The following SESTD1 variants were observed in gnomAD, a reference collection of about 807,000 sequenced individuals.
The protein encoded by SESTD1 is SEC14 domain and spectrin repeat-containing protein 1.
A neutral mutation model predicts 101.7 loss-of-function variants in SESTD1; 43 were observed. The ratio of observed to expected loss-of-function variants is 0.42; its 90% CI spans 0.33 to 0.55. SESTD1 has a LOEUF of 0.55. Among genes scored for constraint, SESTD1 ranks in the 20% least tolerant of loss-of-function variants. The pLI is 0.07. For missense variants in SESTD1, 647 were observed against 815.1 expected, an observed-to-expected ratio of 0.79 and a Z score of 2.51; for synonymous variants, 283 against 286.8, an observed-to-expected ratio of 0.99 and a Z score of 0.13.
At chr2:179,260,086 T>G (rs1008265651) in intron 1 of SESTD1, among the ~76,000 whole-genome samples, 4 of 152,372 alleles carry the variant, frequency 2.6e-5, no homozygotes, top group African/African-American at 9.6e-5. Flanking sequence ...ATAATAACTG[T>G]AGTAACAAAT....
intron 4 of SESTD1, among the ~76,000 whole-genome samples, chr2:179,176,024 G>A (rs1389143778): frequency 2.0e-5 from 3 of 152,144 alleles, no homozygotes; most frequent in African/African-American, 4.8e-5. Flanking sequence ...AGACATGCCA[G>A]AATCACCTGA....
Position 179,217,292 on chromosome 2 carries a change from A to G in SESTD1, c.-25-25426T>C, listed in dbSNP as rs189505614. 4.3e-3 allele frequency among the ~76,000 whole-genome samples: 654 copies of G among 152,252 alleles called. 4 individuals carry two copies. Among genetic ancestry groups the G allele is most frequent in the African/African-American group, 0.015 (607 of 41,548 alleles). On this transcript the variant is annotated intron_variant, in intron 1 of 17. Transcript: ENST00000428443. ...GAACTTAAACAAATTTACAAGAAAA[A>G]AACAACCCCATCAAAAAGTGGGCAA... is the stretch of plus-strand genomic sequence containing the variant.
At chr2:179,139,889 G>A (rs765661738) in intron 9 of SESTD1, among the ~76,000 whole-genome samples, 8 of 152,086 alleles carry the variant, frequency 5.3e-5, no homozygotes, top group East Asian at 3.9e-4. Context: ...TTCCTTGCTC[G>A]GTGCCCTGCA....
At chr2:179,222,105 CTT>C (rs2046824390) in intron 1 of SESTD1, among the ~76,000 whole-genome samples, 1 of 152,138 alleles carries the variant, frequency 6.6e-6, no homozygotes, top group African/African-American at 2.4e-5. Context: ...GTGACCACCT[CTT>C]TTCTCTCTCA....
At chr2:179,198,370 C>A (rs2046439996) in intron 1 of SESTD1, among the ~76,000 whole-genome samples, 1 of 152,106 alleles carries the variant, frequency 6.6e-6, no homozygotes, top group Non-Finnish European at 1.5e-5. Flanking sequence ...ACTTTAACAC[C>A]CCACTGTCAA....
intron 1 of SESTD1, among the ~76,000 whole-genome samples, chr2:179,195,496 G>A (rs1430211152): frequency 6.6e-6 from 1 of 152,172 alleles, no homozygotes; most frequent in Non-Finnish European, 1.5e-5. Context: ...CTTTATAGCA[G>A]TGTGAAAACA....
intron 1 of SESTD1, among the ~76,000 whole-genome samples, chr2:179,202,687 A>G (rs1487024420): frequency 7.4e-6 from 1 of 135,196 alleles, no homozygotes; most frequent in Non-Finnish European, 1.6e-5. Context: ...GCTTTAAAAA[A>G]CAAAACTTTA....
chr2:179,187,296 C>T (rs62177287), intron 2 of SESTD1, among the ~76,000 whole-genome samples: 8,412 of 152,146 alleles, frequency 0.055, 319 homozygotes, highest in South Asian at 0.14. Context: ...GTCTAACACC[C>T]CACTTAAAAG....
chr2:179,197,293 G>A (rs2046415986), intron 1 of SESTD1, among the ~76,000 whole-genome samples: 1 of 152,060 alleles, frequency 6.6e-6, no homozygotes, highest in African/African-American at 2.4e-5. Context: ...AAGCCTCCAA[G>A]AAATATGGGA....
chr2:179,174,484 T>C (rs1231681239), intron 4 of SESTD1: 2 of 463,254 alleles, frequency 4.3e-6, no homozygotes, highest in Non-Finnish European at 8.9e-6. Context: ...AATGACAGGA[T>C]GAAAGGAAGA....
At chr2:179,185,693 T>C (rs1172812734) in intron 2 of SESTD1, among the ~76,000 whole-genome samples, 6 of 125,732 alleles carry the variant, frequency 4.8e-5, no homozygotes, top group African/African-American at 2.0e-4. Context: ...ATATATAATA[T>C]AGTATATTAT....
At position 179,102,614 on chromosome 2, in the gene SESTD1, A is replaced by G. The variant is rs1016022877; in HGVS notation, c.*7285T>C. On this transcript the variant is annotated 3_prime_UTR_variant, in exon 18 of 18. Coordinates refer to ENST00000428443, the MANE Select transcript of SESTD1 (RefSeq NM_178123.5). ...ATTTCCCAGCCCTTAAAATTTTAATAGGAAAAATCGAATAAACCATACATA... is the reference window on the plus strand; with the variant it reads ...ATTTCCCAGCCCTTAAAATTTTAATGGGAAAAATCGAATAAACCATACATA... 6.6e-6 allele frequency: 1 copy of G among 152,124 alleles called. No individual in the cohort carries two copies. Among genetic ancestry groups the G allele is most frequent in the Non-Finnish European group, 1.5e-5 (1 of 68,022 alleles). The allele number at this position is 152,124 out of a possible 1,614,324, so 9.4% of individuals were successfully genotyped here. A position where few individuals can be genotyped will look rare whatever the true frequency, so the allele number is the denominator to read the frequency against.
At chr2:179,235,199 T>A (rs577374570) in intron 1 of SESTD1, among the ~76,000 whole-genome samples, 4 of 152,306 alleles carry the variant, frequency 2.6e-5, no homozygotes, top group South Asian at 2.1e-4. Flanking sequence ...GGTTATATAT[T>A]TTTTAAAAAT....
At chr2:179,185,907 AT>A in intron 2 of SESTD1, among the ~76,000 whole-genome samples, 1 of 136,628 alleles carries the variant, frequency 7.3e-6, no homozygotes, top group South Asian at 2.2e-4. Flanking sequence ...AGTATATTAT[AT>A]ACAATATATA....
intron 5 of SESTD1, among the ~76,000 whole-genome samples, chr2:179,168,858 T>C (rs1317628569): frequency 1.3e-5 from 2 of 152,182 alleles, no homozygotes; most frequent in Admixed American, 6.5e-5. Context: ...ATAACAATAA[T>C]GGGATGGAAG....
At position 179,105,213 on chromosome 2, in the gene SESTD1, TTAAA is replaced by T. The variant is rs1420223730; in HGVS notation, c.*4682_*4685del. 7 of 151,898 alleles carry T rather than the reference TTAAA, an allele frequency of 4.6e-5. No homozygotes were observed. Among genetic ancestry groups the T allele is most frequent in the Admixed American group, 3.9e-4 (6 of 15,218 alleles). The allele number at this position is 151,898 out of a possible 1,614,324, so 9.4% of individuals were successfully genotyped here. Reference sequence around the variant, plus strand: ...TTTTTTAACCTCATTATTGGGATACTTAAATAACAGATTTATGCTGTTGTTGTTT... The same window carrying T: ...TTTTTTAACCTCATTATTGGGATACTTAACAGATTTATGCTGTTGTTGTTT... On this transcript the variant is annotated 3_prime_UTR_variant, in exon 18 of 18. Transcript: ENST00000428443.
At chr2:179,156,759 C>T (rs1260785690) in intron 5 of SESTD1, among the ~76,000 whole-genome samples, 5 of 152,072 alleles carry the variant, frequency 3.3e-5, no homozygotes, top group Non-Finnish European at 5.9e-5. Context: ...GATTTTCTCC[C>T]CCTCTGTAGG....
rs1158371837 is a variant in SESTD1 at position 179,108,480 on chromosome 2, G to A, written c.*1419C>T. ...TTCAGTAGAGTGCTGTGTAAAACCA[G>A]ACTGCAAGGTGCTGAGTAGTGAGTG... On this transcript the variant is annotated 3_prime_UTR_variant, in exon 18 of 18. Coordinates refer to ENST00000428443, the MANE Select transcript of SESTD1 (RefSeq NM_178123.5). The A allele has an allele frequency of 6.6e-6, 1 of 152,170 alleles. No homozygotes were observed. Among genetic ancestry groups the A allele is most frequent in the African/African-American group, 2.4e-5 (1 of 41,436 alleles). 9.4% of individuals were successfully genotyped at this position (152,170 alleles called of 1,614,324 possible).
rs1201882467 is a variant in SESTD1, at chr2:179,106,790, AC to A, written c.*3108del. ...TGAGTCACCAGAACTGAACAAAGTG[AC>A]CAACAATGAGGACTGGGAACAAAGC... is the stretch of plus-strand genomic sequence containing the variant. On this transcript the variant is annotated 3_prime_UTR_variant, in exon 18 of 18. Transcript: ENST00000428443. 1 of 152,166 alleles carries A rather than the reference AC, an allele frequency of 6.6e-6. No individual in the cohort carries two copies. The highest frequency in any genetic ancestry group is 2.4e-5 in the African/African-American group (1 of 41,436). The allele number at this position is 152,166 out of a possible 1,614,324, so 9.4% of individuals were successfully genotyped here. A position where few individuals can be genotyped will look rare whatever the true frequency, so the allele number is the denominator to read the frequency against.
Sources: gnomAD v4.1 joint callset for allele counts (sites outside exome capture counted in the v4.1 genomes callset) on GRCh38, gnomAD v4.1.1 for gene constraint, MANE v1.5 for transcripts, NCBI Gene and HGNC (gene_info 2026-07-23, HGNC 2026-07-21) for gene names.